Variants in PTPN13 observed in about 807,000 individuals in gnomAD.
PTPN13 encodes the protein protein tyrosine phosphatase non-receptor type 13, also known as tyrosine-protein phosphatase non-receptor type 13.
Under a neutral mutation model 284.0 loss-of-function variants are expected in PTPN13, and 191 were observed. That is an observed-to-expected ratio of 0.67 (90% CI 0.60 to 0.76). The LOEUF (loss-of-function observed/expected upper bound fraction) is 0.76. Ranked by LOEUF, PTPN13 falls within the 30% of genes least tolerant of loss-of-function variation. The probability of loss-of-function intolerance (pLI) is 0.00; values close to 1 mark genes in which losing one functional copy is unlikely to be tolerated. For missense variants in PTPN13, 2,797 were observed against 2,939.9 expected, an observed-to-expected ratio of 0.95 and a Z score of 1.12; for synonymous variants, 986 against 1,022.3, an observed-to-expected ratio of 0.96 and a Z score of 0.68.
intron 7 of PTPN13, among the ~76,000 whole-genome samples, chr4:86,706,348 C>T (rs1731763986): frequency 6.6e-6 from 1 of 152,144 alleles, no homozygotes; most frequent in Non-Finnish European, 1.5e-5. Flanking sequence ...CTGCCTGGGA[C>T]ATTGGACATT....
intron 3 of PTPN13, among the ~76,000 whole-genome samples, chr4:86,684,240 G>A (rs1237665139): frequency 6.6e-6 from 1 of 152,134 alleles, no homozygotes. Flanking sequence ...GCTTTAACCT[G>A]TTTGGAAGTA....
chr4:86,626,252 A>G (rs1454359807), intron 1 of PTPN13, among the ~76,000 whole-genome samples: 1 of 152,172 alleles, frequency 6.6e-6, no homozygotes, highest in East Asian at 1.9e-4. Context: ...TTAGATAAGT[A>G]GTTGACATGA....
Position 86,771,491 on chromosome 4 carries a change from T to C in PTPN13, c.5124T>C (p.Phe1708=), listed in dbSNP as rs1355648149. The change falls in exon 31 of 48, where the codon TTT becomes TTC. Residue 1708 remains phenylalanine (F), a synonymous_variant. Coordinates refer to ENST00000411767, the MANE Select transcript of PTPN13 (RefSeq NM_080683.3). ...KSQEDTICTM[F]YYPQKIPNKP... is the part of the protein sequence containing the mutation. ...AAGAAGATACCATTTGTACCATGTT[T>C]TACTATCCTCAGAAAATTCCCAATA... is the stretch of plus-strand genomic sequence containing the variant. 3.2e-6 allele frequency: 5 copies of C among 1,568,962 alleles called. No homozygotes were observed. The highest frequency in any genetic ancestry group is 1.7e-4 in the Middle Eastern group (1 of 6,028).
chr4:86,799,862 G>A lies in PTPN13; in HGVS notation c.6505+658G>A, dbSNP rs938218366. On this transcript the variant is annotated intron_variant, in intron 42 of 47. Coordinates refer to ENST00000411767, the MANE Select transcript of PTPN13 (RefSeq NM_080683.3). The stretch of plus-strand genomic sequence containing the variant: ...TTTTTTTTTTTTTTTTTGAGACAGA[G>A]TCTCTCTCTGTCGTCCAGGCTGGAG... Among the ~76,000 whole-genome samples, 3 of 120,468 alleles carry A rather than the reference G, an allele frequency of 2.5e-5. No individual in the cohort carries two copies. In the Admixed American group the frequency reaches 3.1e-4, roughly 12 times the overall value. The allele number at this position is 120,468 out of a possible 152,430, so 79.0% of individuals were successfully genotyped here.
chr4:86,749,038 C>T (rs1481886640), intron 17 of PTPN13, among the ~76,000 whole-genome samples: 1 of 152,178 alleles, frequency 6.6e-6, no homozygotes, highest in Non-Finnish European at 1.5e-5. Context: ...CCCACTTCCA[C>T]TTCAGAGAGA....
At chr4:86,674,183 T>C (rs1728027737) in intron 3 of PTPN13, among the ~76,000 whole-genome samples, 1 of 152,206 alleles carries the variant, frequency 6.6e-6, no homozygotes, top group African/African-American at 2.4e-5. Context: ...TAGGCATATA[T>C]ATTGTGTTTT....
chr4:86,740,773 G>A (rs763858566), intron 15 of PTPN13, among the ~76,000 whole-genome samples: 49 of 151,980 alleles, frequency 3.2e-4, no homozygotes, highest in East Asian at 7.8e-4. Context: ...AAAACTGAAC[G>A]CCTTTAACAG....
intron 20 of PTPN13, among the ~76,000 whole-genome samples, chr4:86,757,436 A>T (rs759945806): frequency 3.3e-5 from 5 of 152,146 alleles, no homozygotes; most frequent in Admixed American, 6.6e-5. Flanking sequence ...CTTTGAGAGT[A>T]CATGTGCTAG....
At position 86,594,535 on chromosome 4, in the gene PTPN13, G is replaced by A. The variant is rs1376178176; in HGVS notation, c.-260G>A. 2.0e-5 allele frequency: 3 copies of A among 152,640 alleles called. No individual in the cohort carries two copies. The highest frequency in any genetic ancestry group is 6.5e-5 in the Admixed American group (1 of 15,282). The allele number at this position is 152,640 out of a possible 1,614,324, so 9.5% of individuals were successfully genotyped here. Reference sequence around the variant, plus strand: ...CGGCGGGGGTGCGTTGAGCGCTCGGGGGTCAGGCAGTCGGCCGGGATCGCC... The same window carrying A: ...CGGCGGGGGTGCGTTGAGCGCTCGGAGGTCAGGCAGTCGGCCGGGATCGCC... On this transcript the variant is annotated 5_prime_UTR_variant, in exon 1 of 48. Coordinates refer to ENST00000411767, the MANE Select transcript of PTPN13 (RefSeq NM_080683.3).
chr4:86,790,030 A>C (rs1742441283), intron 40 of PTPN13, among the ~76,000 whole-genome samples: 1 of 152,082 alleles, frequency 6.6e-6, no homozygotes, highest in Admixed American at 6.6e-5. Context: ...ATAGCACTTA[A>C]CTCTTATAAA....
chr4:86,709,950 C>A (rs1732196960), intron 7 of PTPN13, among the ~76,000 whole-genome samples: 1 of 152,094 alleles, frequency 6.6e-6, no homozygotes, highest in Non-Finnish European at 1.5e-5. Flanking sequence ...GCTTTGTTCA[C>A]CCAGGTTAAA....
At chr4:86,689,445 T>C (rs1729793049) in intron 5 of PTPN13, among the ~76,000 whole-genome samples, 1 of 152,206 alleles carries the variant, frequency 6.6e-6, no homozygotes, top group South Asian at 2.1e-4. Context: ...GAGCTGAAAG[T>C]GTCTCCTCTT....
At position 86,769,792 on chromosome 4, in the gene PTPN13, T is replaced by C; in HGVS notation, c.4513T>C (p.Phe1505Leu). 1 of 1,598,902 alleles carries C rather than the reference T, an allele frequency of 6.3e-7. No individual in the cohort carries two copies. The highest frequency in any genetic ancestry group is 8.5e-7 in the Non-Finnish European group (1 of 1,174,720). The change falls in exon 29 of 48, where the codon TTT (phenylalanine) becomes CTT (leucine). Residue 1505 changes from phenylalanine to leucine, a missense_variant. Physicochemically the swap from Phe to Leu is conservative, Grantham distance 22. Coordinates refer to ENST00000411767, the MANE Select transcript of PTPN13 (RefSeq NM_080683.3). ...TEENTFEVKLFKNSSGLGFSF... is the reference protein window; with the variant it reads ...TEENTFEVKLLKNSSGLGFSF... ...AGAAAATACATTTGAGGTAAAATTA[T>C]TTAAAAATAGCTCAGGTCTAGGATT...
intron 2 of PTPN13, among the ~76,000 whole-genome samples, chr4:86,670,326 G>A (rs1045158389): frequency 1.3e-5 from 2 of 149,880 alleles, no homozygotes; most frequent in East Asian, 3.9e-4. Flanking sequence ...ATGTATAACA[G>A]ATATCTTAAA....
chr4:86,771,692 T>C (rs971167893), intron 31 of PTPN13, among the ~76,000 whole-genome samples, 157 bp downstream of exon 31: 4 of 152,244 alleles, frequency 2.6e-5, no homozygotes, highest in Non-Finnish European at 4.4e-5. Flanking sequence ...CTATTGTGAC[T>C]GATAGTTTTA....
At chr4:86,655,413 A>G (rs1725663710) in intron 2 of PTPN13, among the ~76,000 whole-genome samples, 1 of 152,078 alleles carries the variant, frequency 6.6e-6, no homozygotes, top group South Asian at 2.1e-4. Flanking sequence ...TGCTTCTTTC[A>G]GGAGCTCTTT....
chr4:86,638,430 A>G (rs1334367989), intron 2 of PTPN13, among the ~76,000 whole-genome samples: 3 of 152,194 alleles, frequency 2.0e-5, no homozygotes, highest in African/African-American at 7.2e-5. Context: ...TTCAAACTAT[A>G]CTACAAGGCT....
rs1229502675 is a variant in PTPN13 at position 86,594,628 on chromosome 4, G to C, written c.-167G>C. 1 of 152,172 alleles carries C rather than the reference G, an allele frequency of 6.6e-6. No individual in the cohort carries two copies. The highest frequency in any genetic ancestry group is 1.5e-5 in the Non-Finnish European group (1 of 68,070). 9.4% of individuals were successfully genotyped at this position (152,172 alleles called of 1,614,324 possible). On this transcript the variant is annotated 5_prime_UTR_variant, in exon 1 of 48. Coordinates refer to ENST00000411767, the MANE Select transcript of PTPN13 (RefSeq NM_080683.3). The stretch of plus-strand genomic sequence containing the variant: ...CTGCTCCTCTTCTCCCCCTCCCCAG[G>C]CTCCTTCTACAGCTCCTTCAGCCCA...
intron 3 of PTPN13, among the ~76,000 whole-genome samples, chr4:86,676,637 T>TA (rs1387153482): frequency 2.6e-5 from 4 of 151,924 alleles, no homozygotes; most frequent in African/African-American, 9.7e-5. Flanking sequence ...GATGAATGGA[T>TA]AAAAAAAACT....
Sources: allele counts gnomAD v4.1 joint callset (sites outside exome capture counted in the v4.1 genomes callset), GRCh38; gene constraint gnomAD v4.1.1; transcripts MANE v1.5; gene names NCBI Gene and HGNC (gene_info 2026-07-23, HGNC 2026-07-21).